Variants in PTPN21 observed in about 807,000 individuals in gnomAD.
PTPN21 encodes tyrosine-protein phosphatase non-receptor type 21.
A neutral mutation model predicts 131.8 loss-of-function variants in PTPN21; 77 were observed. The observed-to-expected ratio is 0.58, with a 90% CI of 0.49 to 0.71. The LOEUF is 0.71. PTPN21 is among the 30% of genes least tolerant of loss of function. The pLI, the probability that PTPN21 is intolerant of heterozygous loss-of-function variation, is 0.00. For missense variants in PTPN21, 1,552 were observed against 1,527.1 expected, an observed-to-expected ratio of 1.02 and a Z score of -0.27; for synonymous variants, 715 against 621.3, an observed-to-expected ratio of 1.15 and a Z score of -2.24.
At chr14:88,543,535 A>G (rs2078734546) in intron 2 of PTPN21, among the ~76,000 whole-genome samples, 1 of 152,220 alleles carries the variant, frequency 6.6e-6, no homozygotes, top group South Asian at 2.1e-4. Flanking sequence ...ATTCAAAACT[A>G]AACTCTTAAT....
At position 88,531,299 on chromosome 14, in the gene PTPN21, C is replaced by G. The variant is rs1430197860; in HGVS notation, c.181-14038G>C. On this transcript the variant is annotated intron_variant, in intron 2 of 18. Coordinates refer to ENST00000556564, the MANE Select transcript of PTPN21 (RefSeq NM_007039.4). ...TATGGCTGGGCACAGTGGCTCACGC[C>G]TGTAATCCCAACATTTTGGGAGGCT... 2.6e-5 allele frequency among the ~76,000 whole-genome samples: 4 copies of G among 152,210 alleles called. No individual in the cohort carries two copies. The East Asian group carries it at 5.8e-4, about 22-fold the overall frequency.
At chr14:88,525,046 A>G (rs1456138864) in intron 2 of PTPN21, among the ~76,000 whole-genome samples, 1 of 151,914 alleles carries the variant, frequency 6.6e-6, no homozygotes, top group Non-Finnish European at 1.5e-5. Flanking sequence ...AGTTTGAGAC[A>G]ATCGTGGACA....
intron 3 of PTPN21, chr14:88,514,873 GAC>G (rs933978314): frequency 1.3e-5 from 2 of 152,052 alleles, no homozygotes. Flanking sequence ...GTACAATTTA[GAC>G]ACATATATAT....
intron 2 of PTPN21, among the ~76,000 whole-genome samples, chr14:88,546,132 C>G (rs1595421113): frequency 6.6e-6 from 1 of 151,514 alleles, no homozygotes; most frequent in Non-Finnish European, 1.5e-5. Flanking sequence ...TACAAAATAT[C>G]TTAGACACTT....
chr14:88,547,722 T>C, intron 2 of PTPN21: 1 of 452,552 alleles, frequency 2.2e-6, no homozygotes, highest in East Asian at 7.0e-5. Context: ...TCTTTCTTCT[T>C]CTTCGGCAGT....
intron 6 of PTPN21, among the ~76,000 whole-genome samples, 182 bp downstream of exon 6, chr14:88,504,243 G>T (rs553092577): frequency 6.6e-6 from 1 of 152,172 alleles, no homozygotes; most frequent in African/African-American, 2.4e-5. Context: ...ACTTAGAACA[G>T]CACATGACAC....
chr14:88,510,798 T>A (rs1335346343), intron 3 of PTPN21, among the ~76,000 whole-genome samples: 4 of 152,192 alleles, frequency 2.6e-5, no homozygotes, highest in African/African-American at 9.6e-5. Flanking sequence ...GTGTCTAACA[T>A]ACAGTAAAAA....
Position 88,554,981 on chromosome 14 carries a change from AGCAGCGGGG to A in PTPN21, c.-542_-534del, listed in dbSNP as rs2078905854. 1.0e-4 allele frequency among the ~76,000 whole-genome samples: 9 copies of A among 88,560 alleles called. No homozygotes were observed. In the South Asian group the frequency reaches 3.0e-3, roughly 30 times the overall value. 58.1% of individuals were successfully genotyped at this position (88,560 alleles called of 152,430 possible). ...GGACCGACGCGGGACGCGCGGCCGGAGCAGCGGGGCGGCCGGGCCCAGGCGTCCCTCCCC... is the reference window on the plus strand; with the variant it reads ...GGACCGACGCGGGACGCGCGGCCGGACGGCCGGGCCCAGGCGTCCCTCCCC... On this transcript the variant is annotated 5_prime_UTR_variant, in exon 1 of 19. Transcript: ENST00000556564.
chr14:88,540,232 A>C (rs1334190702), intron 2 of PTPN21, among the ~76,000 whole-genome samples: 1 of 152,236 alleles, frequency 6.6e-6, no homozygotes, highest in Non-Finnish European at 1.5e-5. Context: ...AAGAGCTGCC[A>C]GTTAATGAGT....
chr14:88,508,433 C>T (rs182700512), intron 3 of PTPN21, among the ~76,000 whole-genome samples: 41 of 152,244 alleles, frequency 2.7e-4, no homozygotes, highest in African/African-American at 9.1e-4. Flanking sequence ...CGGACATGAA[C>T]CACCACACAG....
intron 2 of PTPN21, among the ~76,000 whole-genome samples, chr14:88,539,344 G>A (rs2078672935): frequency 6.6e-6 from 1 of 151,644 alleles, no homozygotes; most frequent in African/African-American, 2.4e-5. Flanking sequence ...CCACCTCTCA[G>A]GTTCAAGCGA....
At chr14:88,474,131 C>CGAAAAAA (rs1555382614) in intron 13 of PTPN21, among the ~76,000 whole-genome samples, 1 of 46,684 alleles carries the variant, frequency 2.1e-5, no homozygotes, top group Non-Finnish European at 4.1e-5. Flanking sequence ...AGCTGAAGTC[C>CGAAAAAA]AAAAAAAAAA....
At chr14:88,477,470 A>AAAAAAAC (rs2077564963) in intron 13 of PTPN21, among the ~76,000 whole-genome samples, 1 of 145,448 alleles carries the variant, frequency 6.9e-6, no homozygotes, top group African/African-American at 2.5e-5. Context: ...AAAAAAAAAA[A>AAAAAAAC]GCAAATTTAA....
At chr14:88,497,058 A>G (rs751481758) in intron 9 of PTPN21, 145 bp downstream of exon 9, 3 of 760,158 alleles carry the variant, frequency 3.9e-6, no homozygotes, top group East Asian at 2.7e-5. Flanking sequence ...GCAAAATGCT[A>G]TATGATAAAA....
intron 2 of PTPN21, among the ~76,000 whole-genome samples, chr14:88,520,421 A>T (rs2078371119): frequency 6.6e-6 from 1 of 152,138 alleles, no homozygotes; most frequent in Admixed American, 6.5e-5. Flanking sequence ...AAAAAAAAAA[A>T]AAATCCTTGA....
intron 2 of PTPN21, among the ~76,000 whole-genome samples, chr14:88,546,106 G>A (rs754719273): frequency 6.0e-5 from 9 of 151,246 alleles, no homozygotes; most frequent in Non-Finnish European, 1.3e-4. Flanking sequence ...TATTAACCAC[G>A]TTGCTTTTAA....
intron 13 of PTPN21, among the ~76,000 whole-genome samples, chr14:88,478,444 C>T (rs1466338854): frequency 6.6e-6 from 1 of 152,164 alleles, no homozygotes; most frequent in Non-Finnish European, 1.5e-5. Context: ...TATCCACACA[C>T]ACTCCAACCT....
At chr14:88,524,065 A>C (rs2078440050) in intron 2 of PTPN21, among the ~76,000 whole-genome samples, 1 of 152,226 alleles carries the variant, frequency 6.6e-6, no homozygotes, top group African/African-American at 2.4e-5. Flanking sequence ...AGTAATCTTC[A>C]AATTCAAATG....
rs1385654083 is a variant in PTPN21 at position 88,479,972 on chromosome 14, C to A, written c.1459G>T (p.Ala487Ser). Residue 487 changes from alanine (A) to serine (S), a missense_variant, in exon 13 of 19, where the codon GCG (alanine) becomes TCG (serine). By Grantham distance (99) the Ala-to-Ser change is moderately conservative (BLOSUM62 1). Around this residue, in one of 4 missense-constraint regions of PTPN21, gnomAD observed 1,016 missense variants for 883.5 expected, o/e 1.15. Coordinates refer to ENST00000556564, the MANE Select transcript of PTPN21 (RefSeq NM_007039.4). ...IGSSYAYSRP[A>S]ALVYSQPEIR... ...TCGGGCTGGCTGTAGACCAGCGCCG[C>A]GGGCCTGCTGTAGGCGTACGAGCTG... is the stretch of plus-strand genomic sequence containing the variant. 6.2e-7 allele frequency: 1 copy of A among 1,609,852 alleles called. No homozygotes were observed. Among genetic ancestry groups the A allele is most frequent in the Non-Finnish European group, 8.5e-7 (1 of 1,180,016 alleles).
Sources: allele counts gnomAD v4.1 joint callset (sites outside exome capture counted in the v4.1 genomes callset), GRCh38; gene constraint gnomAD v4.1.1; regional missense constraint gnomAD v4.1.1; transcripts MANE v1.5; gene names NCBI Gene and HGNC (gene_info 2026-07-23, HGNC 2026-07-21).